Variants in ZNF382 observed in about 807,000 individuals in gnomAD.
ZNF382 encodes KRAB/zinc finger suppressor protein 1.
A neutral mutation model predicts 38.8 loss-of-function variants in ZNF382; 20 were observed. That is an observed-to-expected ratio of 0.51 (90% CI 0.36 to 0.75). The LOEUF is 0.75. ZNF382 is among the 30% of genes least tolerant of loss of function. The pLI is 0.00. For synonymous variants in ZNF382, 202 were observed against 223.1 expected (o/e 0.91, Z 0.84); for missense variants, 546 against 654.1 (o/e 0.83, Z 1.80).
intron 4 of ZNF382, among the ~76,000 whole-genome samples, chr19:36,612,925 G>A (rs1328161941): frequency 1.3e-5 from 2 of 152,160 alleles, no homozygotes; most frequent in Non-Finnish European, 2.9e-5. Flanking sequence ...CCGAGTAGCT[G>A]GGATTACAGG....
chr19:36,611,796 CTTG>C (rs2037079847), intron 4 of ZNF382, among the ~76,000 whole-genome samples: 1 of 152,098 alleles, frequency 6.6e-6, no homozygotes, highest in African/African-American at 2.4e-5. Flanking sequence ...TTCACCAGCA[CTTG>C]TTATTTTCTG....
At position 36,607,640 on chromosome 19, in the gene ZNF382, C is replaced by T. The variant is rs2037045044; in HGVS notation, c.-14+18C>T. 1 of 1,515,924 alleles carries T rather than the reference C, an allele frequency of 6.6e-7. No individual in the cohort carries two copies. Among genetic ancestry groups the T allele is most frequent in the African/African-American group, 1.4e-5 (1 of 71,550 alleles). The allele number at this position is 1,515,924 out of a possible 1,614,324, so 93.9% of individuals were successfully genotyped here. A position where few individuals can be genotyped will look rare whatever the true frequency, so the allele number is the denominator to read the frequency against. On this transcript the variant is annotated intron_variant, in intron 2 of 4. Coordinates refer to ENST00000292928, the MANE Select transcript of ZNF382 (RefSeq NM_032825.5). ...TGTCTCAGGTGAGATGATGTTTCCT[C>T]TCTTTCTGAAATAACTTTTTTTCAT...
In ZNF382 at chr19:36,609,953, T is replaced by C. The variant is rs776508707; in HGVS notation, c.39T>C (p.Thr13=). 6.2e-7 allele frequency: 1 copy of C among 1,613,924 alleles called. No homozygotes were observed. Among genetic ancestry groups the C allele is most frequent in the Admixed American group, 1.7e-5 (1 of 59,930 alleles). The change falls in exon 3 of 5, where the codon ACT becomes ACC. Residue 13 remains threonine (T), a synonymous_variant. Transcript: ENST00000292928. The stretch of plus-strand genomic sequence containing the variant: ...GATCAGTGTCATTCAAGGATGTGAC[T>C]GTGGACTTCACCCAGGAGGAGTGGC... The part of the protein sequence containing the change: ...LQGSVSFKDV[T]VDFTQEEWQQ...
chr19:36,618,961 C>A (rs1178053940), intron 4 of ZNF382, among the ~76,000 whole-genome samples: 3 of 152,004 alleles, frequency 2.0e-5, no homozygotes, highest in South Asian at 4.1e-4. Context: ...TTGCTAGGAC[C>A]CAGGAGGTGG....
chr19:36,617,968 A>G (rs1469723218), intron 4 of ZNF382, among the ~76,000 whole-genome samples: 2 of 152,124 alleles, frequency 1.3e-5, no homozygotes, highest in East Asian at 3.9e-4. Flanking sequence ...CTTTACTCCT[A>G]AAACGTGGCC....
chr19:36,609,808 T>C (rs1024163221), intron 2 of ZNF382, 94 bp from the exon 3 acceptor site: 13 of 1,157,088 alleles, frequency 1.1e-5, no homozygotes, highest in Non-Finnish European at 1.5e-5. Context: ...TTTTATGCAA[T>C]ATAAAACATA....
rs189191111 is a variant in ZNF382 at position 36,626,179 on chromosome 19, A to C, written c.282A>C (p.Gln94His). Reference sequence around the variant, plus strand: ...TCTTAGTGAAGTTCAAAGAATACCAAGACAGGCATTCTAGACCCCTCATAT... The same window carrying C: ...TCTTAGTGAAGTTCAAAGAATACCACGACAGGCATTCTAGACCCCTCATAT... ...EDVLVKFKEY[Q>H]DRHSRPLIFI... The change falls in exon 5 of 5, where the codon CAA (glutamine) becomes CAC (histidine). Residue 94 changes from glutamine (Q) to histidine (H), a missense_variant. Gln to His is a conservative substitution (Grantham distance 24). Coordinates refer to ENST00000292928, the MANE Select transcript of ZNF382 (RefSeq NM_032825.5). 212 of 1,575,104 alleles carry C rather than the reference A, an allele frequency of 1.3e-4. 1 individual carries two copies. In the Middle Eastern group the frequency reaches 1.7e-3, roughly 13 times the overall value.
At chr19:36,615,541 T>A (rs989638217) in intron 4 of ZNF382, among the ~76,000 whole-genome samples, 1 of 152,194 alleles carries the variant, frequency 6.6e-6, no homozygotes, top group African/African-American at 2.4e-5. Context: ...CCTACACAGA[T>A]AGTATTTATT....
At position 36,627,683 on chromosome 19, in the gene ZNF382, C is replaced by A. The variant is rs1483605970; in HGVS notation, c.*133C>A. On this transcript the variant is annotated 3_prime_UTR_variant, in exon 5 of 5. Transcript: ENST00000292928. Reference sequence around the variant, plus strand: ...ACCTACTGTTTGCCAGCCTGTAAAACACACACACACACACACACACACACA... The same window carrying A: ...ACCTACTGTTTGCCAGCCTGTAAAAAACACACACACACACACACACACACA... 12 of 267,956 alleles carry A rather than the reference C, an allele frequency of 4.5e-5. No homozygotes were observed. Among genetic ancestry groups the A allele is most frequent in the East Asian group, 8.5e-5 (1 of 11,782 alleles). 16.6% of individuals were successfully genotyped at this position (267,956 alleles called of 1,614,324 possible). A position where few individuals can be genotyped will look rare whatever the true frequency, so the allele number is the denominator to read the frequency against.
In ZNF382 at chr19:36,630,180, A is replaced by G. The variant is rs970482401; in HGVS notation, c.*2630A>G. Reference sequence around the variant, plus strand: ...ATACTTCCCAATTTTGCACACACAAAAAATGAAAATAGCCCCCAAAAGAAA... The same window carrying G: ...ATACTTCCCAATTTTGCACACACAAGAAATGAAAATAGCCCCCAAAAGAAA... On this transcript the variant is annotated 3_prime_UTR_variant, in exon 5 of 5. Coordinates refer to ENST00000292928, the MANE Select transcript of ZNF382 (RefSeq NM_032825.5). The G allele has an allele frequency of 6.6e-6, 1 of 152,146 alleles. No individual in the cohort carries two copies. The highest frequency in any genetic ancestry group is 2.4e-5 in the African/African-American group (1 of 41,434). 9.4% of individuals were successfully genotyped at this position (152,146 alleles called of 1,614,324 possible).
At chr19:36,618,806 G>A (rs1375296026) in intron 4 of ZNF382, among the ~76,000 whole-genome samples, 1 of 152,076 alleles carries the variant, frequency 6.6e-6, no homozygotes, top group Non-Finnish European at 1.5e-5. Flanking sequence ...GGGAGGCTGC[G>A]ACGGGAGGAT....
intron 4 of ZNF382, among the ~76,000 whole-genome samples, chr19:36,623,901 C>A (rs2037189448): frequency 6.6e-6 from 1 of 151,734 alleles, no homozygotes; most frequent in Admixed American, 6.6e-5. Flanking sequence ...CCAGCCTGGC[C>A]AACATAGTGA....
intron 4 of ZNF382, among the ~76,000 whole-genome samples, chr19:36,624,526 A>T (rs1005926130): frequency 1.3e-5 from 2 of 152,136 alleles, no homozygotes; most frequent in African/African-American, 2.4e-5. Context: ...ATATACAATA[A>T]TTTTTTTTAA....
chr19:36,630,502 C>A lies in ZNF382; in HGVS notation c.*2952C>A, dbSNP rs2037247636. The A allele has an allele frequency of 1.3e-5, 2 of 151,696 alleles. No homozygotes were observed. The highest frequency in any genetic ancestry group is 2.9e-5 in the Non-Finnish European group (2 of 67,938). The allele number at this position is 151,696 out of a possible 1,614,324, so 9.4% of individuals were successfully genotyped here. Reference sequence around the variant, plus strand: ...AAGTAGCTGGGATTACAGGCGCCCACCTGTATTTTTAGTAGAGACGGGGTT... The same window carrying A: ...AAGTAGCTGGGATTACAGGCGCCCAACTGTATTTTTAGTAGAGACGGGGTT... On this transcript the variant is annotated 3_prime_UTR_variant, in exon 5 of 5. Coordinates refer to ENST00000292928, the MANE Select transcript of ZNF382 (RefSeq NM_032825.5).
chr19:36,620,813 C>CA (rs573008123), intron 4 of ZNF382, among the ~76,000 whole-genome samples: 15 of 151,734 alleles, frequency 9.9e-5, no homozygotes, highest in Admixed American at 2.0e-4. Context: ...GGCTGGAGTG[C>CA]AATGGCATGA....
intron 4 of ZNF382, among the ~76,000 whole-genome samples, chr19:36,625,130 T>TATATATA (rs1275688692): frequency 4.6e-5 from 2 of 43,414 alleles, no homozygotes; most frequent in Admixed American, 2.7e-4. Context: ...ATATATATAA[T>TATATATA]GTATACACAA....
chr19:36,624,032 T>C (rs539579989), intron 4 of ZNF382, among the ~76,000 whole-genome samples: 2 of 151,806 alleles, frequency 1.3e-5, no homozygotes, highest in East Asian at 3.9e-4. Flanking sequence ...GAGGTTGCAG[T>C]GAGCTGAGAC....
chr19:36,606,417 A>C (rs1041920050), intron 1 of ZNF382, among the ~76,000 whole-genome samples: 1 of 149,034 alleles, frequency 6.7e-6, no homozygotes, highest in South Asian at 2.1e-4. Flanking sequence ...GTGTAGTGGC[A>C]TGATCTCTGC....
rs1175187414 is a variant in ZNF382, at chr19:36,613,586, G to A, written c.232+2844G>A. On this transcript the variant is annotated intron_variant, in intron 4 of 4. Transcript: ENST00000292928. ...CTCCCGAGTAGCTGGGATTATAGGCGTGCACCACCACGCCCCGCTAATTCT... is the reference window on the plus strand; with the variant it reads ...CTCCCGAGTAGCTGGGATTATAGGCATGCACCACCACGCCCCGCTAATTCT... 4.6e-5 allele frequency among the ~76,000 whole-genome samples: 7 copies of A among 151,832 alleles called. No individual in the cohort carries two copies. In the East Asian group the frequency reaches 9.7e-4, roughly 21 times the overall value.
Sources: allele counts gnomAD v4.1 joint callset (sites outside exome capture counted in the v4.1 genomes callset), GRCh38; gene constraint gnomAD v4.1.1; transcripts MANE v1.5; gene names NCBI Gene and HGNC (gene_info 2026-07-23, HGNC 2026-07-21).